MKLN1: variants seen among roughly 807,000 people sequenced by gnomAD.
MKLN1 encodes the protein muskelin.
In MKLN1, 18 loss-of-function variants were observed where a neutral mutation model predicts 99.0. The ratio of observed to expected loss-of-function variants is 0.18; its 90% CI spans 0.13 to 0.27. The LOEUF is 0.27. Among genes scored for constraint, MKLN1 ranks in the 10% least tolerant of loss-of-function variants. MKLN1 has a pLI of 1.00. For synonymous variants in MKLN1, 288 were observed against 293.2 expected, an observed-to-expected ratio of 0.98 and a Z score of 0.18; for missense variants, 621 against 875.9, an observed-to-expected ratio of 0.71 and a Z score of 3.67.
At position 131,355,628 on chromosome 7, in the gene MKLN1, CTATA is replaced by C. The variant is rs58377694; in HGVS notation, c.99-19778_99-19775del. Reference sequence around the variant, plus strand: ...AGGCTCTGATTTCTTTAACTTGATACTATATATATATATATATATATGCTTTAAG... The same window carrying C: ...AGGCTCTGATTTCTTTAACTTGATACTATATATATATATATATGCTTTAAG... On this transcript the variant is annotated intron_variant, in intron 1 of 17. Coordinates refer to ENST00000352689, the MANE Select transcript of MKLN1 (RefSeq NM_013255.5). Among the ~76,000 whole-genome samples the C allele has an allele frequency of 3.1e-4, 43 of 136,904 alleles. 1 individual carries two copies. Among genetic ancestry groups the C allele is most frequent in the Middle Eastern group, 3.8e-3 (1 of 260 alleles). The allele number at this position is 136,904 out of a possible 152,430, so 89.8% of individuals were successfully genotyped here.
intron 2 of MKLN1, among the ~76,000 whole-genome samples, chr7:131,184,394 G>C (rs528005269): frequency 6.6e-6 from 1 of 151,960 alleles, no homozygotes; most frequent in African/African-American, 2.4e-5. Context: ...TTTTTCAGCA[G>C]AGCAAGCCTG....
At chr7:131,452,463 CT>C (rs1419252999) in intron 12 of MKLN1, among the ~76,000 whole-genome samples, 1 of 151,368 alleles carries the variant, frequency 6.6e-6, no homozygotes, top group Non-Finnish European at 1.5e-5. Flanking sequence ...CATTTTGGCC[CT>C]GGGAATGTGC....
At chr7:131,262,842 A>G (rs998872632) in intron 3 of MKLN1, among the ~76,000 whole-genome samples, 5 of 151,928 alleles carry the variant, frequency 3.3e-5, no homozygotes, top group African/African-American at 4.8e-5. Context: ...CACCACCCCC[A>G]GCCTGGTTAT....
intron 2 of MKLN1, among the ~76,000 whole-genome samples, chr7:131,176,389 C>G (rs1184736396): frequency 2.0e-5 from 3 of 151,846 alleles, no homozygotes; most frequent in Admixed American, 2.0e-4. Flanking sequence ...CTTTTTTTAA[C>G]CAACAGCTAA....
intron 3 of MKLN1, among the ~76,000 whole-genome samples, chr7:131,241,623 A>G (rs1278418845): frequency 2.6e-5 from 4 of 152,214 alleles, no homozygotes; most frequent in African/African-American, 9.6e-5. Context: ...GCATCACTGC[A>G]TTCCAGCCTG....
intron 3 of MKLN1, among the ~76,000 whole-genome samples, chr7:131,216,737 C>T (rs151319613): frequency 6.6e-6 from 1 of 152,276 alleles, no homozygotes; most frequent in East Asian, 1.9e-4. Context: ...GTGTCTGTCA[C>T]CTGGGTAATG....
chr7:131,479,145 T>G (rs1489661281), intron 17 of MKLN1, among the ~76,000 whole-genome samples: 1 of 152,246 alleles, frequency 6.6e-6, no homozygotes, highest in African/African-American at 2.4e-5. Flanking sequence ...TTTTGTTATC[T>G]TAATTGTTCA....
At chr7:131,264,834 C>A (rs557513397) in intron 3 of MKLN1, among the ~76,000 whole-genome samples, 1 of 151,796 alleles carries the variant, frequency 6.6e-6, no homozygotes, top group Non-Finnish European at 1.5e-5. Flanking sequence ...TCCACTTATT[C>A]GGTAATTTTT....
chr7:131,322,866 G>A (rs1798811097), intron 3 of MKLN1, among the ~76,000 whole-genome samples: 1 of 152,102 alleles, frequency 6.6e-6, no homozygotes, highest in Non-Finnish European at 1.5e-5. Context: ...CACCGCGCCC[G>A]GCCACTGCCA....
chr7:131,245,706 A>G (rs1797476996), intron 3 of MKLN1, among the ~76,000 whole-genome samples: 1 of 152,278 alleles, frequency 6.6e-6, no homozygotes, highest in Admixed American at 6.5e-5. Flanking sequence ...GCCTAGGAGC[A>G]ATAGGCTATG....
At chr7:131,294,591 C>T (rs747973483) in intron 3 of MKLN1, among the ~76,000 whole-genome samples, 14 of 152,168 alleles carry the variant, frequency 9.2e-5, no homozygotes, top group South Asian at 2.1e-4. Context: ...TTTGTGTTGC[C>T]TGGGAAATGA....
intron 2 of MKLN1, among the ~76,000 whole-genome samples, chr7:131,176,970 A>T (rs1182973747): frequency 1.3e-5 from 2 of 152,150 alleles, no homozygotes. Flanking sequence ...GCTGGGAGGG[A>T]TGGTAATAAT....
chr7:131,230,280 T>A (rs536813487), intron 3 of MKLN1, among the ~76,000 whole-genome samples: 1 of 152,170 alleles, frequency 6.6e-6, no homozygotes, highest in South Asian at 2.1e-4. Flanking sequence ...GTGTCCCACC[T>A]CCCTTCTCAT....
At chr7:131,444,754 TAGTAGA>T (rs1296006987) in intron 11 of MKLN1, among the ~76,000 whole-genome samples, 1 of 77,110 alleles carries the variant, frequency 1.3e-5, no homozygotes, top group East Asian at 6.1e-4. Context: ...GTAGTAGTAG[TAGTAGA>T]AGAAGTAGTA....
intron 4 of MKLN1, among the ~76,000 whole-genome samples, chr7:131,394,043 T>G (rs1794282932): frequency 6.6e-6 from 1 of 150,934 alleles, no homozygotes; most frequent in Non-Finnish European, 1.5e-5. Flanking sequence ...TTATTCTGAC[T>G]CTTATACTAC....
At chr7:131,221,499 C>A (rs1401456652) in intron 3 of MKLN1, among the ~76,000 whole-genome samples, 2 of 128,364 alleles carry the variant, frequency 1.6e-5, no homozygotes, top group African/African-American at 5.5e-5. Context: ...TTTGATCATG[C>A]CACTTTTTTT....
chr7:131,338,966 A>G (rs1263632113), intron 1 of MKLN1, among the ~76,000 whole-genome samples: 2 of 152,198 alleles, frequency 1.3e-5, no homozygotes, highest in East Asian at 3.8e-4. Context: ...GTGATGATCC[A>G]CTTCCATTTA....
At chr7:131,330,193 T>G (rs1799029900) in intron 1 of MKLN1, among the ~76,000 whole-genome samples, 1 of 152,232 alleles carries the variant, frequency 6.6e-6, no homozygotes, top group Non-Finnish European at 1.5e-5. Flanking sequence ...TACTTACCTT[T>G]GCCCTAAAAT....
At chr7:131,224,720 C>G (rs1379884853) in intron 3 of MKLN1, among the ~76,000 whole-genome samples, 1 of 151,192 alleles carries the variant, frequency 6.6e-6, no homozygotes, top group East Asian at 2.0e-4. Flanking sequence ...GAGACCCTGT[C>G]TCAAAAAAAA....
Sources: gnomAD v4.1 joint callset for allele counts (sites outside exome capture counted in the v4.1 genomes callset) on GRCh38, gnomAD v4.1.1 for gene constraint, MANE v1.5 for transcripts, NCBI Gene and HGNC (gene_info 2026-07-23, HGNC 2026-07-21) for gene names.